COL23A1: variants seen among roughly 807,000 people sequenced by gnomAD.
COL23A1 encodes collagen alpha-1(XXIII) chain.
In COL23A1, 97 loss-of-function variants were observed where a neutral mutation model predicts 99.3. The ratio of observed to expected loss-of-function variants is 0.98; its 90% CI spans 0.83 to 1.16. The LOEUF (loss-of-function observed/expected upper bound fraction) is 1.16, where lower values mean the gene tolerates loss of function less well. Among genes scored for constraint, COL23A1 ranks in the 50% most tolerant of loss-of-function variants. The pLI, the probability that COL23A1 is intolerant of heterozygous loss-of-function variation, is 0.00. For missense variants in COL23A1, 762 were observed against 757.4 expected (o/e 1.01, Z -0.07); for synonymous variants, 320 against 308.2 (o/e 1.04, Z -0.40).
chr5:178,377,011 C>T (rs1763103736), intron 2 of COL23A1, among the ~76,000 whole-genome samples: 1 of 152,218 alleles, frequency 6.6e-6, no homozygotes, highest in South Asian at 2.1e-4. Flanking sequence ...GACTACTCAT[C>T]ACCTCTTGAA....
At chr5:178,319,887 C>CCACCCTAT (rs146607015) in intron 2 of COL23A1, among the ~76,000 whole-genome samples, 6 of 151,372 alleles carry the variant, frequency 4.0e-5, no homozygotes, top group Non-Finnish European at 7.4e-5. Context: ...GAGGCCTCCC[C>CCACCCTAT]CGCCCTATCT....
intron 1 of COL23A1, among the ~76,000 whole-genome samples, chr5:178,570,100 C>CT (rs1763016423): frequency 1.5e-5 from 2 of 134,256 alleles, no homozygotes; most frequent in East Asian, 2.1e-4. Context: ...CAGTTCATTT[C>CT]TTTTTCTTTT....
chr5:178,399,343 T>C (rs1474390093), intron 2 of COL23A1, among the ~76,000 whole-genome samples: 2 of 152,104 alleles, frequency 1.3e-5, no homozygotes, highest in Non-Finnish European at 2.9e-5. Flanking sequence ...AAAGTAAAGA[T>C]AGACAGAGAC....
intron 2 of COL23A1, among the ~76,000 whole-genome samples, chr5:178,318,833 C>A (rs1359141724): frequency 6.7e-6 from 1 of 149,264 alleles, no homozygotes; most frequent in African/African-American, 2.5e-5. Context: ...ATCTGGGAGG[C>A]AGAGGTTGCA....
intron 3 of COL23A1, among the ~76,000 whole-genome samples, chr5:178,296,664 G>A (rs1365008647): frequency 3.3e-5 from 5 of 152,062 alleles, no homozygotes; most frequent in East Asian, 3.9e-4. Flanking sequence ...CTGGTGAGGC[G>A]GTAGTCCAGC....
intron 2 of COL23A1, among the ~76,000 whole-genome samples, chr5:178,422,147 A>G (rs1765666516): frequency 1.3e-5 from 2 of 152,162 alleles, no homozygotes; most frequent in Admixed American, 6.5e-5. Flanking sequence ...TCCAAGCAAG[A>G]TTTTGAAGAG....
Position 178,245,832 on chromosome 5 carries a change from A to G in COL23A1, c.1440+110T>C, listed in dbSNP as rs949773046. The G allele has an allele frequency of 3.4e-5, 44 of 1,300,038 alleles. No individual in the cohort carries two copies. The Middle Eastern group carries it at 1.1e-3, about 33-fold the overall frequency. The allele number at this position is 1,300,038 out of a possible 1,614,324, so 80.5% of individuals were successfully genotyped here. On this transcript the variant is annotated intron_variant, in intron 25 of 28. Coordinates refer to ENST00000390654, the MANE Select transcript of COL23A1 (RefSeq NM_173465.4). ...GGGGGAACCAGTCAGTTGCAGTCCCAGCCCTGGGGAAAGGGGTCACACTTG... is the reference window on the plus strand; with the variant it reads ...GGGGGAACCAGTCAGTTGCAGTCCCGGCCCTGGGGAAAGGGGTCACACTTG...
At chr5:178,251,088 C>A (rs2973752) in intron 17 of COL23A1, among the ~76,000 whole-genome samples, 110,011 of 149,300 alleles carry the variant, frequency 0.74, 40,742 homozygotes, top group Middle Eastern at 0.86. Context: ...AGTGGCACAA[C>A]CTCGACTCAC....
At chr5:178,375,489 T>C (rs1763022986) in intron 2 of COL23A1, among the ~76,000 whole-genome samples, 1 of 152,268 alleles carries the variant, frequency 6.6e-6, no homozygotes, top group South Asian at 2.1e-4. Flanking sequence ...AATGACTTTC[T>C]GTCTCACACA....
intron 1 of COL23A1, among the ~76,000 whole-genome samples, chr5:178,574,149 G>A (rs565378487): frequency 2.0e-5 from 3 of 152,220 alleles, no homozygotes; most frequent in South Asian, 2.1e-4. Context: ...ATGAGCCACC[G>A]CACCTGGACC....
chr5:178,585,746 C>CA (rs1281437181), intron 1 of COL23A1, among the ~76,000 whole-genome samples: 2 of 92,932 alleles, frequency 2.2e-5, no homozygotes, highest in African/African-American at 2.8e-5. Context: ...CCCTGGCTGA[C>CA]CCTGTTGGTT....
intron 3 of COL23A1, among the ~76,000 whole-genome samples, chr5:178,298,066 G>A (rs927596451): frequency 1.6e-4 from 25 of 152,158 alleles, no homozygotes; most frequent in Admixed American, 7.9e-4. Flanking sequence ...GCCCTTCTGC[G>A]CACGGCCTTC....
chr5:178,354,992 AG>A (rs1301021881), intron 2 of COL23A1, among the ~76,000 whole-genome samples: 2 of 151,172 alleles, frequency 1.3e-5, no homozygotes, highest in South Asian at 2.1e-4. Context: ...CGGGAGGCGG[AG>A]GTTGCAGTGA....
At chr5:178,467,516 G>A (rs1333266360) in intron 2 of COL23A1, among the ~76,000 whole-genome samples, 1 of 152,182 alleles carries the variant, frequency 6.6e-6, no homozygotes, top group African/African-American at 2.4e-5. Flanking sequence ...ATAGCTATGT[G>A]TGTTGTCTTG....
chr5:178,405,341 C>T (rs561499974), intron 2 of COL23A1, among the ~76,000 whole-genome samples: 29 of 152,246 alleles, frequency 1.9e-4, no homozygotes, highest in African/African-American at 6.8e-4. Flanking sequence ...GCTCTGTCCT[C>T]GTTTACATTG....
Position 178,308,846 on chromosome 5 carries a change from C to T in COL23A1, c.362-1927G>A, listed in dbSNP as rs1350737949. On this transcript the variant is annotated intron_variant, in intron 2 of 28. Transcript: ENST00000390654. This position sits in a 1 kb window ranked among gnomAD's most constrained non-coding sequence, Gnocchi z 5.1. Reference sequence around the variant, plus strand: ...CACTCTCGGGGGGGGCTTTCCTCCTCTCTGGGCCTGTTTTCAATGAGAGCG... The same window carrying T: ...CACTCTCGGGGGGGGCTTTCCTCCTTTCTGGGCCTGTTTTCAATGAGAGCG... Among the ~76,000 whole-genome samples, 2 of 152,000 alleles carry T rather than the reference C, an allele frequency of 1.3e-5. No homozygotes were observed. Among genetic ancestry groups the T allele is most frequent in the Non-Finnish European group, 1.5e-5 (1 of 67,998 alleles).
intron 2 of COL23A1, among the ~76,000 whole-genome samples, chr5:178,336,171 A>G (rs1760304678): frequency 7.0e-6 from 1 of 142,756 alleles, no homozygotes; most frequent in Non-Finnish European, 1.5e-5. Context: ...ATCTAAAAGC[A>G]TTCAGATGTT....
intron 5 of COL23A1, among the ~76,000 whole-genome samples, chr5:178,278,900 G>A (rs1272166227): frequency 6.6e-6 from 1 of 152,196 alleles, no homozygotes; most frequent in Non-Finnish European, 1.5e-5. Context: ...TGACGCGCTG[G>A]GCCAGCCCTG....
rs1303549641 is a variant in COL23A1 at position 178,280,138 on chromosome 5, C to T, written c.441+8186G>A. ...GGCTCTCGTGCCCGGCCAGGGAACA[C>T]TAGAGGGCGCGCTTGACCTGCCGAA... On this transcript the variant is annotated intron_variant, in intron 5 of 28. Coordinates refer to ENST00000390654, the MANE Select transcript of COL23A1 (RefSeq NM_173465.4). The surrounding 1 kb of genome is among the most constrained non-coding windows in gnomAD (Gnocchi z 4.9). Among the ~76,000 whole-genome samples the T allele has an allele frequency of 1.3e-5, 2 of 152,264 alleles. No homozygotes were observed. The highest frequency in any genetic ancestry group is 4.8e-5 in the African/African-American group (2 of 41,468).
Sources: allele counts gnomAD v4.1 joint callset (sites outside exome capture counted in the v4.1 genomes callset), GRCh38; gene constraint gnomAD v4.1.1; non-coding constraint Gnocchi (gnomAD v3.1); transcripts MANE v1.5; gene names NCBI Gene and HGNC (gene_info 2026-07-23, HGNC 2026-07-21).